CLIP2: variants seen among roughly 807,000 people sequenced by gnomAD.
CLIP2 encodes the protein CAP-Gly domain containing linker protein 2, also known as CAP-Gly domain-containing linker protein 2.
CLIP2 carries 41 observed loss-of-function variants against 111.7 expected under a neutral mutation model. The observed-to-expected ratio is 0.37, with a 90% CI of 0.29 to 0.48. The LOEUF is 0.48. CLIP2 is among the 20% of genes least tolerant of loss of function. CLIP2 has a pLI of 0.99. For missense variants in CLIP2, 1,160 were observed against 1,422.1 expected, an observed-to-expected ratio of 0.82 and a Z score of 2.96; for synonymous variants, 660 against 644.2, an observed-to-expected ratio of 1.02 and a Z score of -0.37.
At chr7:74,399,546 G>C (rs797042137) in intron 14 of CLIP2, among the ~76,000 whole-genome samples, 5 of 121,726 alleles carry the variant, frequency 4.1e-5, no homozygotes, top group Admixed American at 2.4e-4. Context: ...TTTTTTTGGG[G>C]GGGGGGGGGT....
chr7:74,343,419 A>G (rs1428250870), intron 3 of CLIP2, among the ~76,000 whole-genome samples: 2 of 152,026 alleles, frequency 1.3e-5, no homozygotes, highest in African/African-American at 2.4e-5. Flanking sequence ...GTGGGCACCT[A>G]CTGGGGGTGG....
At chr7:74,373,749 C>T (rs1790704437) in intron 9 of CLIP2, among the ~76,000 whole-genome samples, 1 of 152,082 alleles carries the variant, frequency 6.6e-6, no homozygotes, top group Non-Finnish European at 1.5e-5. Flanking sequence ...CTCCTGTCTC[C>T]CCAGCTGAGG....
At position 74,350,919 on chromosome 7, in the gene CLIP2, GGGAAGGAAGGGAAGGAAA is replaced by G. The variant is rs1312288438; in HGVS notation, c.679-2947_679-2930del. On this transcript the variant is annotated intron_variant, in intron 3 of 16. Transcript: ENST00000223398. ...GAAGGAAGAAAGGAAGGAAAGGGAAGGGAAGGAAGGGAAGGAAAGGAAGGAAGGGAAAGAAAGGAAGGA... is the reference window on the plus strand; with the variant it reads ...GAAGGAAGAAAGGAAGGAAAGGGAAGGGAAGGAAGGGAAAGAAAGGAAGGA... Among the ~76,000 whole-genome samples the G allele has an allele frequency of 1.2e-3, 169 of 141,446 alleles. 1 individual carries two copies. Among genetic ancestry groups the G allele is most frequent in the African/African-American group, 4.3e-3 (162 of 37,936 alleles). 92.8% of individuals were successfully genotyped at this position (141,446 alleles called of 152,430 possible).
intron 1 of CLIP2, among the ~76,000 whole-genome samples, chr7:74,314,575 A>G (rs1554728884): frequency 6.6e-6 from 1 of 152,242 alleles, no homozygotes; most frequent in Non-Finnish European, 1.5e-5. Flanking sequence ...AGACAAGGGC[A>G]TCTCCTGTAT....
At chr7:74,305,870 C>A (rs1554727681) in intron 1 of CLIP2, among the ~76,000 whole-genome samples, 1 of 131,432 alleles carries the variant, frequency 7.6e-6, no homozygotes. Context: ...CCCCCACCGC[C>A]CCTGCTGCCA....
intron 1 of CLIP2, among the ~76,000 whole-genome samples, chr7:74,303,823 A>G (rs1788404283): frequency 6.6e-6 from 1 of 150,898 alleles, no homozygotes; most frequent in Non-Finnish European, 1.5e-5. Context: ...GAGGCACAAG[A>G]ATCGCTTGAA....
intron 2 of CLIP2, among the ~76,000 whole-genome samples, chr7:74,327,452 T>A (rs1450787284): frequency 6.6e-6 from 1 of 152,140 alleles, no homozygotes; most frequent in Non-Finnish European, 1.5e-5. Flanking sequence ...ACCCCGTGAG[T>A]GTTCCAGACC....
chr7:74,332,657 C>T (rs1554731509), intron 2 of CLIP2, among the ~76,000 whole-genome samples: 1 of 152,036 alleles, frequency 6.6e-6, no homozygotes, highest in Non-Finnish European at 1.5e-5. Context: ...GTGAGGGAGC[C>T]AGCTCTGTAA....
intron 3 of CLIP2, among the ~76,000 whole-genome samples, chr7:74,342,786 G>A (rs1027943943): frequency 2.6e-5 from 4 of 152,100 alleles, no homozygotes; most frequent in African/African-American, 7.2e-5. Flanking sequence ...GGTGGCTCAC[G>A]CCTATAATCC....
At chr7:74,380,950 G>C in intron 11 of CLIP2, 87 bp downstream of exon 11, 1 of 1,291,550 alleles carries the variant, frequency 7.7e-7, no homozygotes, top group Non-Finnish European at 1.1e-6. Context: ...ATTTTGGTTT[G>C]CATCATCTGC....
chr7:74,375,940 C>T lies in CLIP2; in HGVS notation c.1539C>T (p.Thr513=). ...TGCTGCAGCTGGAGGAGGAGCTCAC[C>T]CTGCGCCGAGGTGAAATCGAGGAGC... ...SRVLQLEEEL[T]LRRGEIEELQ... The change falls in exon 10 of 17, where the codon ACC becomes ACT. Residue 513 remains threonine (T), a synonymous_variant. Coordinates refer to ENST00000223398, the MANE Select transcript of CLIP2 (RefSeq NM_003388.5). The T allele has an allele frequency of 6.3e-6, 10 of 1,599,946 alleles. No homozygotes were observed. The highest frequency in any genetic ancestry group is 8.5e-6 in the Non-Finnish European group (10 of 1,174,496).
intron 7 of CLIP2, among the ~76,000 whole-genome samples, chr7:74,362,008 G>A (rs1052673079): frequency 6.6e-6 from 1 of 151,952 alleles, no homozygotes; most frequent in African/African-American, 2.4e-5. Flanking sequence ...GGCTGAGGCA[G>A]GAGAATCGCT....
chr7:74,295,464 G>A (rs1554725945), intron 1 of CLIP2, among the ~76,000 whole-genome samples: 1 of 152,192 alleles, frequency 6.6e-6, no homozygotes, highest in Non-Finnish European at 1.5e-5. Context: ...AACGTTGGAT[G>A]TCTGGGTTTT....
intron 3 of CLIP2, among the ~76,000 whole-genome samples, chr7:74,340,220 A>G (rs1344757121): frequency 1.3e-5 from 2 of 152,154 alleles, no homozygotes; most frequent in African/African-American, 4.8e-5. Context: ...ACATGGCGAA[A>G]CACCATCTCT....
rs868929430 is a variant in CLIP2, at chr7:74,373,026, C to T, written c.1475C>T (p.Ala492Val). The T allele has an allele frequency of 1.3e-6, 2 of 1,581,074 alleles. No individual in the cohort carries two copies. The highest frequency in any genetic ancestry group is 1.7e-6 in the Non-Finnish European group (2 of 1,165,066). The change falls in exon 9 of 17, where the codon GCG becomes GTG. Residue 492 changes from alanine to valine, a missense_variant. By Grantham distance (64) the Ala-to-Val change is moderately conservative. Transcript: ENST00000223398. ...AQAERLLREL[A>V]DNRLTTVAEK... The stretch of plus-strand genomic sequence containing the variant: ...GCCGAGCGGCTGCTCCGAGAATTAG[C>T]GGACAACAGGGTAACCGCGCCACCG...
chr7:74,359,869 C>T (rs1251991043), intron 6 of CLIP2, among the ~76,000 whole-genome samples: 15 of 152,194 alleles, frequency 9.9e-5, no homozygotes, highest in Non-Finnish European at 1.9e-4. Context: ...CATGGCTGTG[C>T]TTTGATGGAG....
At chr7:74,356,382 G>A (rs1554308462) in intron 4 of CLIP2, 28 bp from the exon 5 acceptor site, 1 of 1,601,144 alleles carries the variant, frequency 6.2e-7, no homozygotes, top group Non-Finnish European at 8.6e-7. Flanking sequence ...GGCCGTGACA[G>A]CAGCTTGGGT....
intron 4 of CLIP2, among the ~76,000 whole-genome samples, chr7:74,355,228 T>C (rs1178969634): frequency 6.6e-6 from 1 of 152,102 alleles, no homozygotes; most frequent in African/African-American, 2.4e-5. Flanking sequence ...TGAGAGAGGC[T>C]GTGCTAGGCA....
chr7:74,346,839 G>A (rs1234204046), intron 3 of CLIP2, among the ~76,000 whole-genome samples: 1 of 151,680 alleles, frequency 6.6e-6, no homozygotes, highest in Non-Finnish European at 1.5e-5. Flanking sequence ...TTCCAGACCA[G>A]CCTGGGCAAC....
Sources: gnomAD v4.1 joint callset for allele counts (sites outside exome capture counted in the v4.1 genomes callset) on GRCh38, gnomAD v4.1.1 for gene constraint, MANE v1.5 for transcripts, NCBI Gene and HGNC (gene_info 2026-07-23, HGNC 2026-07-21) for gene names.